HIF1AN: variants seen among roughly 807,000 people sequenced by gnomAD.
HIF1AN encodes hypoxia-inducible factor 1-alpha inhibitor.
A neutral mutation model predicts 47.7 loss-of-function variants in HIF1AN; 21 were observed. The ratio of observed to expected loss-of-function variants is 0.44; its 90% CI spans 0.31 to 0.63. The LOEUF (loss-of-function observed/expected upper bound fraction) is 0.63, where lower values mean the gene tolerates loss of function less well. Ranked by LOEUF, HIF1AN falls within the 30% of genes least tolerant of loss-of-function variation. HIF1AN has a pLI of 0.07. For missense variants in HIF1AN, 320 were observed against 432.7 expected (o/e 0.74, Z 2.31); for synonymous variants, 152 against 155.9 (o/e 0.98, Z 0.18).
In HIF1AN at chr10:100,552,901, T is replaced by C. The variant is rs549330310; in HGVS notation, c.*4764T>C. 2 of 152,420 alleles carry C rather than the reference T, an allele frequency of 1.3e-5. No individual in the cohort carries two copies. The highest frequency in any genetic ancestry group is 2.1e-4 in the South Asian group (1 of 4,818). The allele number at this position is 152,420 out of a possible 1,614,324, so 9.4% of individuals were successfully genotyped here. Reference sequence around the variant, plus strand: ...CCTGGTTCAGCTTGTCTCACTGTGGTAGCCCCTTCTGCTTGTCTTCAGCCA... The same window carrying C: ...CCTGGTTCAGCTTGTCTCACTGTGGCAGCCCCTTCTGCTTGTCTTCAGCCA... On this transcript the variant is annotated 3_prime_UTR_variant, in exon 8 of 8. Coordinates refer to ENST00000299163, the MANE Select transcript of HIF1AN (RefSeq NM_017902.3).
In HIF1AN at chr10:100,558,637, T is replaced by C. The variant is rs1040370745; in HGVS notation, c.*10500T>C. On this transcript the variant is annotated 3_prime_UTR_variant, in exon 8 of 8. Coordinates refer to ENST00000299163, the MANE Select transcript of HIF1AN (RefSeq NM_017902.3). Reference sequence around the variant, plus strand: ...TAGCGTCAAACTCAGGGATGTGAGCTGACTGACTGCCTTTTTATGTAATGG... The same window carrying C: ...TAGCGTCAAACTCAGGGATGTGAGCCGACTGACTGCCTTTTTATGTAATGG... 2.6e-5 allele frequency: 4 copies of C among 152,230 alleles called. No homozygotes were observed. Among genetic ancestry groups the C allele is most frequent in the African/African-American group, 9.6e-5 (4 of 41,462 alleles). 9.4% of individuals were successfully genotyped at this position (152,230 alleles called of 1,614,324 possible).
At position 100,556,702 on chromosome 10, in the gene HIF1AN, C is replaced by T. The variant is rs879605279; in HGVS notation, c.*8565C>T. ...AGAACAGAGGCTTTGGAGGTGACTCCTGGGTTTGAATCACCATTTGCCACT... is the reference window on the plus strand; with the variant it reads ...AGAACAGAGGCTTTGGAGGTGACTCTTGGGTTTGAATCACCATTTGCCACT... On this transcript the variant is annotated 3_prime_UTR_variant, in exon 8 of 8. Coordinates refer to ENST00000299163, the MANE Select transcript of HIF1AN (RefSeq NM_017902.3). 6.6e-6 allele frequency: 1 copy of T among 152,236 alleles called. No individual in the cohort carries two copies. Among genetic ancestry groups the T allele is most frequent in the Non-Finnish European group, 1.5e-5 (1 of 68,048 alleles). 9.4% of individuals were successfully genotyped at this position (152,236 alleles called of 1,614,324 possible).
At chr10:100,542,001 G>A (rs1205685872) in intron 3 of HIF1AN, among the ~76,000 whole-genome samples, 1 of 151,946 alleles carries the variant, frequency 6.6e-6, no homozygotes, top group African/African-American at 2.4e-5. Flanking sequence ...AAGTATTTGT[G>A]TATCTAAACA....
At chr10:100,539,187 C>G (rs1042846921) in intron 2 of HIF1AN, among the ~76,000 whole-genome samples, 1 of 152,190 alleles carries the variant, frequency 6.6e-6, no homozygotes, top group African/African-American at 2.4e-5. Context: ...CTCCCTTGGC[C>G]TCTCCAAGTG....
chr10:100,541,487 G>T (rs966697524), intron 3 of HIF1AN, among the ~76,000 whole-genome samples: 1 of 151,018 alleles, frequency 6.6e-6, no homozygotes. Flanking sequence ...TGTCGAGTCT[G>T]TTTTTTTTTG....
At position 100,549,860 on chromosome 10, in the gene HIF1AN, G is replaced by A. The variant is rs773410397; in HGVS notation, c.*1723G>A. On this transcript the variant is annotated 3_prime_UTR_variant, in exon 8 of 8. Transcript: ENST00000299163. ...ATGAACTGAGAGGATGCGTGTGGAT[G>A]TGTGTGCATGCCTGAGTGCGTTTTT... The A allele has an allele frequency of 6.6e-6, 1 of 152,008 alleles. No individual in the cohort carries two copies. The highest frequency in any genetic ancestry group is 1.5e-5 in the Non-Finnish European group (1 of 68,024). 9.4% of individuals were successfully genotyped at this position (152,008 alleles called of 1,614,324 possible).
chr10:100,559,948 G>C lies in HIF1AN; in HGVS notation c.*11811G>C, dbSNP rs1843243825. 1 of 152,004 alleles carries C rather than the reference G, an allele frequency of 6.6e-6. No homozygotes were observed. Among genetic ancestry groups the C allele is most frequent in the Middle Eastern group, 3.2e-3 (1 of 316 alleles). The allele number at this position is 152,004 out of a possible 1,614,324, so 9.4% of individuals were successfully genotyped here. A position where few individuals can be genotyped will look rare whatever the true frequency, so the allele number is the denominator to read the frequency against. The stretch of plus-strand genomic sequence containing the variant: ...TTTTGTTTGGCCAATACAAGTTTTT[G>C]AAAGTTTTAAAAAATTGACAACATT... On this transcript the variant is annotated 3_prime_UTR_variant, in exon 8 of 8. Coordinates refer to ENST00000299163, the MANE Select transcript of HIF1AN (RefSeq NM_017902.3).
At position 100,552,209 on chromosome 10, in the gene HIF1AN, C is replaced by T. The variant is rs938228412; in HGVS notation, c.*4072C>T. The T allele has an allele frequency of 1.3e-5, 2 of 150,180 alleles. No individual in the cohort carries two copies. Among genetic ancestry groups the T allele is most frequent in the African/African-American group, 5.1e-5 (2 of 39,546 alleles). 9.3% of individuals were successfully genotyped at this position (150,180 alleles called of 1,614,324 possible). On this transcript the variant is annotated 3_prime_UTR_variant, in exon 8 of 8. Transcript: ENST00000299163. ...TAGTATTTCTTCCTCAGTTTTGTGA[C>T]TTGAATGCAGTGAGTGCCTTAGAGG...
At position 100,559,918 on chromosome 10, in the gene HIF1AN, C is replaced by T. The variant is rs1455252300; in HGVS notation, c.*11781C>T. 1 of 152,178 alleles carries T rather than the reference C, an allele frequency of 6.6e-6. No individual in the cohort carries two copies. Among genetic ancestry groups the T allele is most frequent in the Admixed American group, 6.5e-5 (1 of 15,280 alleles). 9.4% of individuals were successfully genotyped at this position (152,178 alleles called of 1,614,324 possible). A position where few individuals can be genotyped will look rare whatever the true frequency, so the allele number is the denominator to read the frequency against. ...CACCGCTAGTCCAGTCGGCCACAGA[C>T]ATGGTTTTGTTTGGCCAATACAAGT... On this transcript the variant is annotated 3_prime_UTR_variant, in exon 8 of 8. Transcript: ENST00000299163.
chr10:100,538,500 C>T (rs1852256580), intron 2 of HIF1AN, among the ~76,000 whole-genome samples: 1 of 152,070 alleles, frequency 6.6e-6, no homozygotes, highest in South Asian at 2.1e-4. Flanking sequence ...TTGAGGATTT[C>T]ATGTTCCTAC....
chr10:100,547,736 T>C (rs890989794), intron 7 of HIF1AN, among the ~76,000 whole-genome samples: 5 of 152,208 alleles, frequency 3.3e-5, no homozygotes, highest in African/African-American at 1.2e-4. Context: ...CAGTTGCAGA[T>C]GATCATTTTT....
rs1843209931 is a variant in HIF1AN, at chr10:100,555,801, A to G, written c.*7664A>G. On this transcript the variant is annotated 3_prime_UTR_variant, in exon 8 of 8. Coordinates refer to ENST00000299163, the MANE Select transcript of HIF1AN (RefSeq NM_017902.3). ...TCACTTGGTCATTGAGGTCAGAACT[A>G]TCAGGAAAGCTGTGCTCCTTAACCC... The G allele has an allele frequency of 6.6e-6, 1 of 152,284 alleles. No homozygotes were observed. Among genetic ancestry groups the G allele is most frequent in the East Asian group, 1.9e-4 (1 of 5,206 alleles). The allele number at this position is 152,284 out of a possible 1,614,324, so 9.4% of individuals were successfully genotyped here.
At position 100,554,395 on chromosome 10, in the gene HIF1AN, G is replaced by A. The variant is rs1353530197; in HGVS notation, c.*6258G>A. 4 of 152,196 alleles carry A rather than the reference G, an allele frequency of 2.6e-5. No individual in the cohort carries two copies. The highest frequency in any genetic ancestry group is 4.4e-5 in the Non-Finnish European group (3 of 68,112). The allele number at this position is 152,196 out of a possible 1,614,324, so 9.4% of individuals were successfully genotyped here. On this transcript the variant is annotated 3_prime_UTR_variant, in exon 8 of 8. Coordinates refer to ENST00000299163, the MANE Select transcript of HIF1AN (RefSeq NM_017902.3). ...CTCACACCTGTAATCCCAGCACTTC[G>A]GGAGGCTGAGGCAGGAGGATCACTT...
rs1183543188 is a variant in HIF1AN, at chr10:100,551,520, C to G, written c.*3383C>G. The G allele has an allele frequency of 2.0e-5, 3 of 152,166 alleles. No individual in the cohort carries two copies. Among genetic ancestry groups the G allele is most frequent in the Non-Finnish European group, 2.9e-5 (2 of 68,038 alleles). 9.4% of individuals were successfully genotyped at this position (152,166 alleles called of 1,614,324 possible). A position where few individuals can be genotyped will look rare whatever the true frequency, so the allele number is the denominator to read the frequency against. On this transcript the variant is annotated 3_prime_UTR_variant, in exon 8 of 8. Coordinates refer to ENST00000299163, the MANE Select transcript of HIF1AN (RefSeq NM_017902.3). ...TATTTCTTAACAAAGATTAGGGACCCAGTTGCCAGCCTGAGATGGATATAG... is the reference window on the plus strand; with the variant it reads ...TATTTCTTAACAAAGATTAGGGACCGAGTTGCCAGCCTGAGATGGATATAG...
intron 6 of HIF1AN, 110 bp downstream of exon 6, chr10:100,546,691 G>A: frequency 2.4e-6 from 2 of 819,176 alleles, no homozygotes; most frequent in Non-Finnish European, 4.2e-6. Flanking sequence ...GGAAGTGATT[G>A]TCAGGTGTCT....
rs1476094738 is a variant in HIF1AN at position 100,554,536 on chromosome 10, T to C, written c.*6399T>C. 6.6e-6 allele frequency: 1 copy of C among 152,148 alleles called. No homozygotes were observed. The highest frequency in any genetic ancestry group is 1.5e-5 in the Non-Finnish European group (1 of 68,038). 9.4% of individuals were successfully genotyped at this position (152,148 alleles called of 1,614,324 possible). On this transcript the variant is annotated 3_prime_UTR_variant, in exon 8 of 8. Transcript: ENST00000299163. ...ATATGGACCAGACACCTGGGAGGATTACCTCACGCCTGTAATCCCAGCACT... is the reference window on the plus strand; with the variant it reads ...ATATGGACCAGACACCTGGGAGGATCACCTCACGCCTGTAATCCCAGCACT...
In HIF1AN at chr10:100,548,695, T is replaced by C. The variant is rs1843120853; in HGVS notation, c.*558T>C. ...TTTTGCGTAGTCAAGCTCTAGGCGG[T>C]ATGGGAATGGCTACCGGGACTCTAA... On this transcript the variant is annotated 3_prime_UTR_variant, in exon 8 of 8. Coordinates refer to ENST00000299163, the MANE Select transcript of HIF1AN (RefSeq NM_017902.3). The C allele has an allele frequency of 6.5e-6, 1 of 152,916 alleles. No homozygotes were observed. Among genetic ancestry groups the C allele is most frequent in the Non-Finnish European group, 1.5e-5 (1 of 68,360 alleles). The allele number at this position is 152,916 out of a possible 1,614,324, so 9.5% of individuals were successfully genotyped here.
intron 5 of HIF1AN, 27 bp downstream of exon 5, chr10:100,546,076 T>A (rs1843090998): frequency 2.0e-4 from 266 of 1,297,752 alleles, no homozygotes; most frequent in Non-Finnish European, 2.7e-4. Context: ...GGCTGGGGGC[T>A]TTTTGGGAGC....
chr10:100,537,657 A>G lies in HIF1AN; in HGVS notation c.428+996A>G, dbSNP rs1463552723. On this transcript the variant is annotated intron_variant, in intron 2 of 7. Coordinates refer to ENST00000299163, the MANE Select transcript of HIF1AN (RefSeq NM_017902.3). ...CCGAGACAGTATTCAGTCCCACACT[A>G]TAACACTGCCTCTGGGGAATTGCTT... is the stretch of plus-strand genomic sequence containing the variant. Among the ~76,000 whole-genome samples the G allele has an allele frequency of 3.3e-5, 5 of 152,314 alleles. No individual in the cohort carries two copies. In the East Asian group the frequency reaches 5.8e-4, roughly 18 times the overall value.
Sources: gnomAD v4.1 joint callset for allele counts (sites outside exome capture counted in the v4.1 genomes callset) on GRCh38, gnomAD v4.1.1 for gene constraint, MANE v1.5 for transcripts, NCBI Gene and HGNC (gene_info 2026-07-23, HGNC 2026-07-21) for gene names.